The following NLRP14 variants were observed in gnomAD, a reference collection of about 807,000 sequenced individuals.
NLRP14 encodes the protein NACHT, LRR and PYD domains-containing protein 14.
A neutral mutation model predicts 94.7 loss-of-function variants in NLRP14; 105 were observed. The ratio of observed to expected loss-of-function variants is 1.11; its 90% CI spans 0.95 to 1.30. The LOEUF is 1.30. Ranked by LOEUF, NLRP14 falls within the 50% of genes most tolerant of loss-of-function variation. The pLI, the probability that NLRP14 is intolerant of heterozygous loss-of-function variation, is 0.00. For synonymous variants in NLRP14, 508 were observed against 459.9 expected (o/e 1.10, Z -1.34); for missense variants, 1,362 against 1,254.1 (o/e 1.09, Z -1.30).
chr11:7,032,841 A>G (rs1249488216), intron 1 of NLRP14, among the ~76,000 whole-genome samples: 1 of 152,184 alleles, frequency 6.6e-6, no homozygotes, highest in Non-Finnish European at 1.5e-5. Context: ...ACTGTAACTC[A>G]TAAAAGACTG....
chr11:7,049,386 G>A (rs924651658), intron 5 of NLRP14, among the ~76,000 whole-genome samples: 1 of 152,140 alleles, frequency 6.6e-6, no homozygotes, highest in South Asian at 2.1e-4. Flanking sequence ...ACTTGGAATG[G>A]CCCTGATAAT....
downstream of NLRP14, among the ~76,000 whole-genome samples, chr11:7,073,961 C>T (rs528975105): frequency 1.3e-5 from 2 of 152,104 alleles, no homozygotes; most frequent in Admixed American, 6.6e-5. Flanking sequence ...CTTTGGAGGT[C>T]GGGATGGGGA....
chr11:7,088,987 T>G, the NLRP14 span: 1 of 1,055,470 alleles, frequency 9.5e-7, no homozygotes, highest in African/African-American at 1.6e-5. Flanking sequence ...GGGCTCCGGC[T>G]GCGGTTCCGT....
chr11:7,087,067 A>C, the NLRP14 span, among the ~76,000 whole-genome samples: 1 of 152,154 alleles, frequency 6.6e-6, no homozygotes, highest in Non-Finnish European at 1.5e-5. Context: ...CTAAACTCTG[A>C]CAACCATTCT....
chr11:7,037,563 C>T (rs1852178390), intron 1 of NLRP14, among the ~76,000 whole-genome samples: 1 of 152,136 alleles, frequency 6.6e-6, no homozygotes, highest in Admixed American at 6.6e-5. Context: ...ATTAAGAAAA[C>T]TTGATGGTGC....
chr11:7,031,082 GGGA>G (rs995278149), intron 1 of NLRP14, among the ~76,000 whole-genome samples: 2 of 152,206 alleles, frequency 1.3e-5, no homozygotes, highest in Admixed American at 6.5e-5. Flanking sequence ...CTTCTCTCAG[GGGA>G]GGAGGAAGGT....
chr11:7,090,016 C>T, the NLRP14 span: 6 of 1,613,078 alleles, frequency 3.7e-6, no homozygotes, highest in South Asian at 5.5e-5. Context: ...CGGGGGACAC[C>T]GCCATCTTAC....
rs1182183112 is a variant in NLRP14, at chr11:7,058,430, A to G, written c.2613A>G (p.Gln871=). 8 of 1,612,232 alleles carry G rather than the reference A, an allele frequency of 5.0e-6. No homozygotes were observed. Among genetic ancestry groups the G allele is most frequent in the Admixed American group, 3.3e-5 (2 of 59,922 alleles). The change falls in exon 8 of 12, where the codon CAA becomes CAG. Residue 871 remains glutamine (Q), a synonymous_variant. Coordinates refer to ENST00000299481, the MANE Select transcript of NLRP14 (RefSeq NM_176822.4). ...TGAGTGATGCCCTGCAACATGCACA[A>G]TGTACTCTGAAGAGCCTTGTGTAAG... The part of the protein sequence containing the change: ...KLMSDALQHA[Q]CTLKSLVLRR...
the NLRP14 span, among the ~76,000 whole-genome samples, chr11:7,087,351 C>T: frequency 5.5e-3 from 833 of 152,270 alleles, 7 homozygotes; most frequent in South Asian, 0.01. Context: ...ACCTGTAAGC[C>T]ATCATGGAGG....
downstream of NLRP14, among the ~76,000 whole-genome samples, chr11:7,073,973 T>C (rs538142727): frequency 6.6e-6 from 1 of 152,086 alleles, no homozygotes; most frequent in South Asian, 2.1e-4. Context: ...GGATGGGGAG[T>C]GCTGAAAATT....
At chr11:7,072,338 C>T (rs1393056090), downstream of NLRP14, among the ~76,000 whole-genome samples, 1 of 152,196 alleles carries the variant, frequency 6.6e-6, no homozygotes, top group African/African-American at 2.4e-5. Flanking sequence ...CTGTTATCAG[C>T]CGGAAGTCTA....
intron 8 of NLRP14, among the ~76,000 whole-genome samples, chr11:7,059,533 C>T (rs1229268969): frequency 6.6e-6 from 1 of 151,946 alleles, no homozygotes; most frequent in African/African-American, 2.4e-5. Flanking sequence ...TTTGAAAATG[C>T]CGCTTCTATT....
the NLRP14 span, chr11:7,089,576 G>C: frequency 8.5e-7 from 1 of 1,181,816 alleles, no homozygotes. Flanking sequence ...AGCGTGGGCC[G>C]CCGCCGCGCA....
In NLRP14 at chr11:7,020,766, T is replaced by C. The variant is rs1486296024; in HGVS notation, c.-26T>C. ...GGCACTAGCTAGCATCGCTCTAAACTCAAGGTTAGAGGTTTTCAAATTCCG... is the reference window on the plus strand; with the variant it reads ...GGCACTAGCTAGCATCGCTCTAAACCCAAGGTTAGAGGTTTTCAAATTCCG... On this transcript the variant is annotated 5_prime_UTR_variant, in exon 1 of 12. Coordinates refer to ENST00000299481, the MANE Select transcript of NLRP14 (RefSeq NM_176822.4). 4 of 152,280 alleles carry C rather than the reference T, an allele frequency of 2.6e-5. No homozygotes were observed. The highest frequency in any genetic ancestry group is 9.6e-5 in the African/African-American group (4 of 41,458). 9.4% of individuals were successfully genotyped at this position (152,280 alleles called of 1,614,324 possible). A position where few individuals can be genotyped will look rare whatever the true frequency, so the allele number is the denominator to read the frequency against.
the NLRP14 span, among the ~76,000 whole-genome samples, chr11:7,078,688 T>A: frequency 4.0e-5 from 6 of 151,620 alleles, no homozygotes; most frequent in Non-Finnish European, 7.4e-5. Flanking sequence ...CTTGGGAGGC[T>A]GAAGCAGGAG....
At chr11:7,089,071 G>A in the NLRP14 span, 56 of 1,583,690 alleles carry the variant, frequency 3.5e-5, no homozygotes, top group Non-Finnish European at 4.3e-5. Context: ...TGCGACTGGC[G>A]CCGCCTCACC....
intron 10 of NLRP14, among the ~76,000 whole-genome samples, chr11:7,066,214 G>A (rs891586005): frequency 6.6e-6 from 1 of 152,160 alleles, no homozygotes; most frequent in African/African-American, 2.4e-5. Flanking sequence ...TATCCTTTGG[G>A]TGTATACCCA....
Position 7,057,812 on chromosome 11 carries a change from C to A in NLRP14, c.2427C>A (p.Ala809=), listed in dbSNP as rs1852540863. ...LDDGVQLLCE[A]LRHPKCYLER... The stretch of plus-strand genomic sequence containing the variant: ...ATGGAGTGCAGCTTTTGTGTGAGGC[C>A]TTAAGACATCCAAAGTGTTATCTAG... The change falls in exon 7 of 12, where the codon GCC becomes GCA. Residue 809 remains alanine, a synonymous_variant. Coordinates refer to ENST00000299481, the MANE Select transcript of NLRP14 (RefSeq NM_176822.4). 4 of 1,612,252 alleles carry A rather than the reference C, an allele frequency of 2.5e-6. No individual in the cohort carries two copies. The South Asian group carries it at 3.3e-5, about 13-fold the overall frequency.
At position 7,042,548 on chromosome 11, in the gene NLRP14, A is replaced by G. The variant is rs147954296; in HGVS notation, c.522A>G (p.Ala174=). The change falls in exon 4 of 12, where the codon GCA becomes GCG. Residue 174 remains alanine (A), a synonymous_variant. Transcript: ENST00000299481. ...HLFDVDVKTG[A]QPQIVVLQGA... ...TCGATGTGGATGTCAAAACCGGTGC[A>G]CAGCCACAGATCGTGGTGCTTCAGG... is the stretch of plus-strand genomic sequence containing the variant. 82 of 1,614,142 alleles carry G rather than the reference A, an allele frequency of 5.1e-5. No homozygotes were observed. Among genetic ancestry groups the G allele is most frequent in the Non-Finnish European group, 6.7e-5 (79 of 1,180,050 alleles).
Sources: gnomAD v4.1 joint callset for allele counts (sites outside exome capture counted in the v4.1 genomes callset) on GRCh38, gnomAD v4.1.1 for gene constraint, MANE v1.5 for transcripts, NCBI Gene and HGNC (gene_info 2026-07-23, HGNC 2026-07-21) for gene names.